Variants in UBAC2 observed in about 807,000 individuals in gnomAD.
The protein encoded by UBAC2 is ubiquitin-associated domain-containing protein 2.
In UBAC2, 26 loss-of-function variants were observed where a neutral mutation model predicts 44.0. The observed-to-expected ratio is 0.59, with a 90% CI of 0.43 to 0.82. UBAC2 has a LOEUF of 0.82. Ranked by LOEUF, UBAC2 falls within the 40% of genes least tolerant of loss-of-function variation. The pLI, the probability that UBAC2 is intolerant of heterozygous loss-of-function variation, is 0.00. For missense variants in UBAC2, 329 were observed against 419.4 expected, an observed-to-expected ratio of 0.78 and a Z score of 1.88; for synonymous variants, 155 against 154.3, an observed-to-expected ratio of 1.00 and a Z score of -0.04.
chr13:99,340,460 G>A lies in UBAC2; in HGVS notation c.702G>A (p.Gly234=). 6.2e-7 allele frequency: 1 copy of A among 1,614,170 alleles called. No individual in the cohort carries two copies. The highest frequency in any genetic ancestry group is 1.3e-5 in the African/African-American group (1 of 75,030). ...AACCCACCAGCGAAGCCAGAATTGGGATGGGAGCCACGCTGGACATCCAGA... is the reference window on the plus strand; with the variant it reads ...AACCCACCAGCGAAGCCAGAATTGGAATGGGAGCCACGCTGGACATCCAGA... The part of the protein sequence containing the change: ...SSEPTSEARI[G]MGATLDIQRQ... The change falls in exon 7 of 9, where the codon GGG becomes GGA. Residue 234 remains glycine, a synonymous_variant. Coordinates refer to ENST00000403766, the MANE Select transcript of UBAC2 (RefSeq NM_001144072.2).
rs189492982 is a variant in UBAC2, at chr13:99,226,927, G to A, written c.32-11500G>A. ...AGACCGGCACCCCTTGGCTGGGCGC[G>A]GTGGCTCATGCCTGTAATCCCAGCA... is the stretch of plus-strand genomic sequence containing the variant. On this transcript the variant is annotated intron_variant, in intron 1 of 8. Transcript: ENST00000403766. Among the ~76,000 whole-genome samples the A allele has an allele frequency of 5.5e-4, 83 of 152,158 alleles. 1 individual carries two copies. The highest frequency in any genetic ancestry group is 1.9e-3 in the African/African-American group (80 of 41,532).
chr13:99,374,290 T>C (rs2045449908), intron 8 of UBAC2, among the ~76,000 whole-genome samples: 1 of 152,162 alleles, frequency 6.6e-6, no homozygotes, highest in African/African-American at 2.4e-5. Flanking sequence ...GGATCTCCTA[T>C]TTTTAGAAAA....
chr13:99,282,767 C>G (rs770165212), intron 4 of UBAC2, among the ~76,000 whole-genome samples: 3 of 152,124 alleles, frequency 2.0e-5, no homozygotes, highest in Non-Finnish European at 4.4e-5. Flanking sequence ...AGATTTAGAT[C>G]ATTGTATTGT....
At chr13:99,201,279 C>T (rs1296768166) in intron 1 of UBAC2, 2 of 1,448,896 alleles carry the variant, frequency 1.4e-6, no homozygotes, top group East Asian at 2.5e-5. Context: ...GAGCGTGTGC[C>T]GCGCTGAAGG....
In UBAC2 at chr13:99,273,042, CTATT is replaced by C. The variant is rs1468436813; in HGVS notation, c.389+28419_389+28422del. Among the ~76,000 whole-genome samples the C allele has an allele frequency of 3.3e-5, 5 of 150,256 alleles. No homozygotes were observed. In the East Asian group the frequency reaches 5.8e-4, roughly 18 times the overall value. On this transcript the variant is annotated intron_variant, in intron 4 of 8. Transcript: ENST00000403766. ...GTTCATCTTTTCAAGATTAACCTAA[CTATT>C]CTTCTGTATAAATTTTAGAGTAAGT...
chr13:99,260,755 A>C (rs1034700786), intron 4 of UBAC2, among the ~76,000 whole-genome samples: 14 of 152,122 alleles, frequency 9.2e-5, no homozygotes. Context: ...TTCAGGGACC[A>C]TTCATGCAGC....
At chr13:99,239,390 A>C (rs762722891) in intron 2 of UBAC2, among the ~76,000 whole-genome samples, 9 of 152,214 alleles carry the variant, frequency 5.9e-5, no homozygotes, top group Non-Finnish European at 1.2e-4. Context: ...AACTTCAAAG[A>C]TCTGTCTCCA....
rs1205326720 is a variant in UBAC2 at position 99,340,333 on chromosome 13, G to A, written c.575G>A (p.Cys192Tyr). Residue 192 changes from cysteine (C) to tyrosine (Y), a missense_variant, in exon 7 of 9, where the codon TGC (cysteine) becomes TAC (tyrosine). Cys to Tyr is a radical substitution (Grantham distance 194). Coordinates refer to ENST00000403766, the MANE Select transcript of UBAC2 (RefSeq NM_001144072.2). ...VAISGLMSGL[C>Y]YDSKMFQVHQ... ...TTTTTCTTCTAGATGTCCGGTCTGT[G>A]CTACGACAGCAAAATGTTCCAGGTG... The A allele has an allele frequency of 3.7e-6, 6 of 1,613,946 alleles. No individual in the cohort carries two copies. The Admixed American group carries it at 1.0e-4, about 27-fold the overall frequency.
In UBAC2 at chr13:99,268,063, T is replaced by C. The variant is rs144467294; in HGVS notation, c.389+23439T>C. ...AAGAAGGGGCATGCAGGAGGAGGGATTGCCTTTCCCCAGGTGCCTTCAAGG... is the reference window on the plus strand; with the variant it reads ...AAGAAGGGGCATGCAGGAGGAGGGACTGCCTTTCCCCAGGTGCCTTCAAGG... On this transcript the variant is annotated intron_variant, in intron 4 of 8. Transcript: ENST00000403766. Among the ~76,000 whole-genome samples, 356 of 152,224 alleles carry C rather than the reference T, an allele frequency of 2.3e-3. 1 individual carries two copies. Among genetic ancestry groups the C allele is most frequent in the African/African-American group, 8.1e-3 (338 of 41,536 alleles).
chr13:99,378,411 C>G (rs1305457411), intron 8 of UBAC2, among the ~76,000 whole-genome samples: 1 of 152,150 alleles, frequency 6.6e-6, no homozygotes, highest in African/African-American at 2.4e-5. Flanking sequence ...CCTGTAGTCC[C>G]AGCTACTTGG....
intron 8 of UBAC2, among the ~76,000 whole-genome samples, chr13:99,374,089 T>C (rs2045446681): frequency 6.6e-6 from 1 of 152,238 alleles, no homozygotes; most frequent in African/African-American, 2.4e-5. Flanking sequence ...ACTTATGAAT[T>C]AGTGCAGCCT....
At chr13:99,343,985 G>A (rs923362935) in intron 7 of UBAC2, among the ~76,000 whole-genome samples, 1 of 152,156 alleles carries the variant, frequency 6.6e-6, no homozygotes, top group African/African-American at 2.4e-5. Flanking sequence ...GAGGACACAG[G>A]TGTAAAAAAG....
intron 6 of UBAC2, among the ~76,000 whole-genome samples, chr13:99,325,721 AC>A (rs1423281865): frequency 1.3e-5 from 2 of 152,080 alleles, no homozygotes; most frequent in Non-Finnish European, 2.9e-5. Context: ...CCTAGCAACC[AC>A]CATTTTACTC....
chr13:99,334,950 G>A (rs1046726876), intron 6 of UBAC2, among the ~76,000 whole-genome samples: 1 of 152,172 alleles, frequency 6.6e-6, no homozygotes, highest in African/African-American at 2.4e-5. Flanking sequence ...TATGGAGACA[G>A]TAACCATAAG....
At chr13:99,255,493 T>C in intron 4 of UBAC2, 2 of 1,614,182 alleles carry the variant, frequency 1.2e-6, no homozygotes, top group South Asian at 2.2e-5. Context: ...TTTGGCGTAC[T>C]TCGGCTGTAC....
chr13:99,236,658 T>G (rs1259847388), intron 1 of UBAC2, among the ~76,000 whole-genome samples: 1 of 152,116 alleles, frequency 6.6e-6, no homozygotes, highest in Non-Finnish European at 1.5e-5. Flanking sequence ...AAGACCAGCC[T>G]GGCCAACTTG....
chr13:99,290,530 A>G (rs2044075899), intron 4 of UBAC2, among the ~76,000 whole-genome samples: 1 of 152,060 alleles, frequency 6.6e-6, no homozygotes, highest in Admixed American at 6.5e-5. Context: ...GTTTGAGACC[A>G]GCCTGGTCAA....
At chr13:99,383,885 C>T (rs918478160) in intron 8 of UBAC2, among the ~76,000 whole-genome samples, 1 of 152,234 alleles carries the variant, frequency 6.6e-6, no homozygotes, top group Non-Finnish European at 1.5e-5. Context: ...CTGGGAGGTT[C>T]CCTCCCCCAC....
rs78185716 is a variant in UBAC2, at chr13:99,235,067, C to G, written c.32-3360C>G. ...AAGAGGGGCGTGACTGCTTTTAGTA[C>G]AAGGCAGAGGTCACACTAGTCTCTC... On this transcript the variant is annotated intron_variant, in intron 1 of 8. Transcript: ENST00000403766. Among the ~76,000 whole-genome samples the G allele has an allele frequency of 8.2e-3, 1,242 of 152,124 alleles. 14 individuals are homozygous for G. The highest frequency in any genetic ancestry group is 0.028 in the African/African-American group (1,165 of 41,508).
Sources: gnomAD v4.1 joint callset for allele counts (sites outside exome capture counted in the v4.1 genomes callset) on GRCh38, gnomAD v4.1.1 for gene constraint, MANE v1.5 for transcripts, NCBI Gene and HGNC (gene_info 2026-07-23, HGNC 2026-07-21) for gene names.